The following GALNT17 variants were observed in gnomAD, a reference collection of about 807,000 sequenced individuals.
The protein encoded by GALNT17 is UDP-GalNAc:polypeptide N-acetylgalactosaminyltransferase-like 3.
A neutral mutation model predicts 63.7 loss-of-function variants in GALNT17; 29 were observed. The ratio of observed to expected loss-of-function variants is 0.46; its 90% confidence interval spans 0.34 to 0.62. The LOEUF is 0.62. GALNT17 is among the 20% of genes least tolerant of loss of function. The pLI, the probability that GALNT17 is intolerant of heterozygous loss-of-function variation, is 0.01. For missense variants in GALNT17, 603 were observed against 799.6 expected (o/e 0.75, Z 2.97); for synonymous variants, 305 against 318.3 (o/e 0.96, Z 0.45).
At chr7:71,337,692 AC>A (rs1791933307) in intron 2 of GALNT17, among the ~76,000 whole-genome samples, 1 of 151,556 alleles carries the variant, frequency 6.6e-6, no homozygotes, top group Admixed American at 6.6e-5. Context: ...AGATAGCAAA[AC>A]CCCGTCTCTA....
intron 1 of GALNT17, among the ~76,000 whole-genome samples, chr7:71,163,986 T>C (rs4717582): frequency 0.12 from 18,932 of 152,160 alleles, 1,861 homozygotes; most frequent in African/African-American, 0.27. Flanking sequence ...GGAAGAAGGC[T>C]GGGTACTCTA....
chr7:71,259,468 G>A (rs1018401496), intron 1 of GALNT17, among the ~76,000 whole-genome samples: 6 of 152,096 alleles, frequency 3.9e-5, no homozygotes, highest in African/African-American at 1.4e-4. Flanking sequence ...GGCAGATATA[G>A]GGTTTTACGG....
chr7:71,344,212 G>A (rs1052985991), intron 2 of GALNT17, among the ~76,000 whole-genome samples: 2 of 152,034 alleles, frequency 1.3e-5, no homozygotes, highest in Non-Finnish European at 2.9e-5. Context: ...GGGAGGCAGG[G>A]CATTTGAGAG....
chr7:71,701,409 C>T (rs1269720446), intron 9 of GALNT17, among the ~76,000 whole-genome samples: 1 of 151,876 alleles, frequency 6.6e-6, no homozygotes, highest in East Asian at 1.9e-4. Flanking sequence ...ATCACTTGAA[C>T]TCAGGAGGTG....
At chr7:71,585,793 A>G (rs1391906469) in intron 6 of GALNT17, among the ~76,000 whole-genome samples, 4 of 152,132 alleles carry the variant, frequency 2.6e-5, no homozygotes, top group Non-Finnish European at 5.9e-5. Context: ...ATATACCCCT[A>G]TAATCACCTC....
intron 2 of GALNT17, among the ~76,000 whole-genome samples, chr7:71,346,003 T>A (rs922944305): frequency 1.4e-5 from 2 of 141,656 alleles, no homozygotes; most frequent in African/African-American, 5.4e-5. Flanking sequence ...GTTAACACAG[T>A]GAGACCTGTC....
chr7:71,138,904 G>A (rs1450838056), intron 1 of GALNT17, among the ~76,000 whole-genome samples: 4 of 152,192 alleles, frequency 2.6e-5, no homozygotes, highest in Admixed American at 2.0e-4. Context: ...GAACCTGGGA[G>A]GCGGAGGTTG....
chr7:71,414,786 T>C (rs1439014536), intron 3 of GALNT17, among the ~76,000 whole-genome samples: 1 of 152,106 alleles, frequency 6.6e-6, no homozygotes, highest in African/African-American at 2.4e-5. Context: ...ATTCCTGCAG[T>C]CACAAGCCAA....
rs572676129 is a variant in GALNT17, at chr7:71,679,793, G to A, written c.1500+2487G>A. On this transcript the variant is annotated intron_variant, in intron 9 of 10. Coordinates refer to ENST00000333538, the MANE Select transcript of GALNT17 (RefSeq NM_022479.3). ...CGTCCCCAAGGCTGCGACAACACCA[G>A]CTCCTGGGCCCCATCCCCAGAGTTT... is the stretch of plus-strand genomic sequence containing the variant. 3.9e-5 allele frequency among the ~76,000 whole-genome samples: 6 copies of A among 152,132 alleles called. No homozygotes were observed. The South Asian group carries it at 1.2e-3, about 32-fold the overall frequency.
At chr7:71,231,040 T>C (rs1459030614) in intron 1 of GALNT17, among the ~76,000 whole-genome samples, 1 of 152,106 alleles carries the variant, frequency 6.6e-6, no homozygotes, top group Non-Finnish European at 1.5e-5. Flanking sequence ...TTCTGAAATA[T>C]GACTATCTCT....
chr7:71,681,687 A>G (rs1169270544), intron 9 of GALNT17, among the ~76,000 whole-genome samples: 4 of 152,292 alleles, frequency 2.6e-5, no homozygotes, highest in Non-Finnish European at 5.9e-5. Context: ...TCTTTGTTCA[A>G]TCTTCTGAAT....
At position 71,320,940 on chromosome 7, in the gene GALNT17, T is replaced by C. The variant is rs116195094; in HGVS notation, c.239-14610T>C. ...AGAAATTTACATGCTTTTGGGAGAATTGGTGAAGGTTCGTGTCCCACTCTG... is the reference window on the plus strand; with the variant it reads ...AGAAATTTACATGCTTTTGGGAGAACTGGTGAAGGTTCGTGTCCCACTCTG... On this transcript the variant is annotated intron_variant, in intron 1 of 10. Transcript: ENST00000333538. Among the ~76,000 whole-genome samples the C allele has an allele frequency of 1.4e-3, 210 of 152,280 alleles. 1 individual carries two copies. The highest frequency in any genetic ancestry group is 4.9e-3 in the African/African-American group (203 of 41,560).
chr7:71,288,473 A>G lies in GALNT17; in HGVS notation c.239-47077A>G, dbSNP rs571368710. 1.9e-4 allele frequency among the ~76,000 whole-genome samples: 29 copies of G among 152,228 alleles called. No homozygotes were observed. The South Asian group carries it at 5.8e-3, about 30-fold the overall frequency. Reference sequence around the variant, plus strand: ...CTTTCTGGCATCATTCTGACATCCCATGAGTCTGTCTTTTCCTGACTATAA... The same window carrying G: ...CTTTCTGGCATCATTCTGACATCCCGTGAGTCTGTCTTTTCCTGACTATAA... On this transcript the variant is annotated intron_variant, in intron 1 of 10. Coordinates refer to ENST00000333538, the MANE Select transcript of GALNT17 (RefSeq NM_022479.3).
intron 5 of GALNT17, among the ~76,000 whole-genome samples, chr7:71,492,094 A>C (rs1275626821): frequency 6.6e-6 from 1 of 152,178 alleles, no homozygotes; most frequent in Non-Finnish European, 1.5e-5. Flanking sequence ...ATCCTGGCCA[A>C]CATGGTGAAA....
intron 1 of GALNT17, among the ~76,000 whole-genome samples, chr7:71,201,026 T>C (rs1234927836): frequency 6.6e-6 from 1 of 151,958 alleles, no homozygotes; most frequent in East Asian, 1.9e-4. Context: ...CAGTTATCTC[T>C]CTGCCAAAAT....
chr7:71,264,720 T>C (rs1330291516), intron 1 of GALNT17, among the ~76,000 whole-genome samples: 2 of 151,836 alleles, frequency 1.3e-5, no homozygotes, highest in South Asian at 2.1e-4. Flanking sequence ...GTGAAATAAG[T>C]CGGGCACAGA....
chr7:71,352,631 T>C (rs1378379868), intron 2 of GALNT17, among the ~76,000 whole-genome samples: 3 of 152,146 alleles, frequency 2.0e-5, no homozygotes, highest in Non-Finnish European at 4.4e-5. Flanking sequence ...AGATAGGGGT[T>C]GGGAGATAGA....
At position 71,697,335 on chromosome 7, in the gene GALNT17, AG is replaced by A. The variant is rs543310845; in HGVS notation, c.1501-13425del. On this transcript the variant is annotated intron_variant, in intron 9 of 10. Coordinates refer to ENST00000333538, the MANE Select transcript of GALNT17 (RefSeq NM_022479.3). ...TCTTTATCTGCATCTGTCTCAGAAT[AG>A]TAAGAATATTCGGGTCTCAGAATAG... Among the ~76,000 whole-genome samples, 351 of 152,302 alleles carry A rather than the reference AG, an allele frequency of 2.3e-3. 2 individuals are homozygous for A. The highest frequency in any genetic ancestry group is 3.2e-3 in the Non-Finnish European group (219 of 68,034).
intron 1 of GALNT17, among the ~76,000 whole-genome samples, chr7:71,290,740 G>T (rs569301922): frequency 1.3e-5 from 2 of 152,274 alleles, no homozygotes; most frequent in African/African-American, 2.4e-5. Context: ...CCATTTGCAT[G>T]TATTATTCCA....
Sources: allele counts gnomAD v4.1 joint callset (sites outside exome capture counted in the v4.1 genomes callset), GRCh38; gene constraint gnomAD v4.1.1; transcripts MANE v1.5; gene names NCBI Gene and HGNC (gene_info 2026-07-23, HGNC 2026-07-21).